PDPK1: variants seen among roughly 807,000 people sequenced by gnomAD.
The protein encoded by PDPK1 is 3-phosphoinositide-dependent protein kinase 1.
A neutral mutation model predicts 39.8 loss-of-function variants in PDPK1; 7 were observed. The ratio of observed to expected loss-of-function variants is 0.18; its 90% CI spans 0.10 to 0.33. The LOEUF (loss-of-function observed/expected upper bound fraction) is 0.33, where lower values mean the gene tolerates loss of function less well. Ranked by LOEUF, PDPK1 falls within the 10% of genes least tolerant of loss-of-function variation. PDPK1 has a pLI of 1.00. For missense variants in PDPK1, 182 were observed against 384.7 expected (o/e 0.47, Z 4.41); for synonymous variants, 118 against 159.1 (o/e 0.74, Z 1.95).
Position 2,601,044 on chromosome 16 carries a change from G to A in PDPK1, c.*3277G>A, listed in dbSNP as rs1300292420. On this transcript the variant is annotated 3_prime_UTR_variant, in exon 14 of 14. Coordinates refer to ENST00000342085, the MANE Select transcript of PDPK1 (RefSeq NM_002613.5). ...TTCCCTACTGTAAAATACTTAAGAC[G>A]GTTTCTGATTTTTCCACTATTTAAA... The A allele has an allele frequency of 1.3e-5, 3 of 232,124 alleles. No individual in the cohort carries two copies. The highest frequency in any genetic ancestry group is 2.5e-5 in the Non-Finnish European group (3 of 117,848). The allele number at this position is 232,124 out of a possible 1,614,324, so 14.4% of individuals were successfully genotyped here. A position where few individuals can be genotyped will look rare whatever the true frequency, so the allele number is the denominator to read the frequency against.
At chr16:2,551,672 T>G (rs552864581) in intron 1 of PDPK1, among the ~76,000 whole-genome samples, 12 of 137,846 alleles carry the variant, frequency 8.7e-5, no homozygotes, top group Admixed American at 2.8e-4. Flanking sequence ...TTTTTTTTTT[T>G]TTTTTTGTTT....
chr16:2,586,547 C>A, intron 10 of PDPK1, 129 bp from the exon 11 acceptor site: 1 of 725,062 alleles, frequency 1.4e-6, no homozygotes, highest in Non-Finnish European at 2.3e-6. Flanking sequence ...GGGCTGCCCA[C>A]CCTGTCGCCT....
intron 1 of PDPK1, among the ~76,000 whole-genome samples, chr16:2,545,336 C>CT (rs59225717): frequency 8.4e-4 from 122 of 146,078 alleles, no homozygotes; most frequent in Middle Eastern, 7.1e-3. Context: ...CTTTCTCTCT[C>CT]TTTTTTTTTT....
intron 11 of PDPK1, among the ~76,000 whole-genome samples, chr16:2,587,518 T>C (rs905290775): frequency 2.0e-5 from 3 of 151,674 alleles, no homozygotes; most frequent in African/African-American, 7.3e-5. Context: ...ATTTTGCATC[T>C]TTTTTTTTGA....
rs750340247 is a variant in PDPK1, at chr16:2,586,765, C to G, written c.1215C>G (p.Pro405=). ...HSLSASDTGL[P]QRSGSNIEQY... is the part of the protein sequence containing the mutation. Reference sequence around the variant, plus strand: ...TGTCAGCCTCCGACACGGGCCTGCCCCAGAGGTCAGGCAGCAACATAGAGC... The same window carrying G: ...TGTCAGCCTCCGACACGGGCCTGCCGCAGAGGTCAGGCAGCAACATAGAGC... Residue 405 remains proline (P), a synonymous_variant, in exon 11 of 14, where the codon CCC becomes CCG. Transcript: ENST00000342085. The G allele has an allele frequency of 4.3e-6, 7 of 1,614,120 alleles. No homozygotes were observed. Among genetic ancestry groups the G allele is most frequent in the Non-Finnish European group, 5.9e-6 (7 of 1,180,050 alleles).
At chr16:2,589,654 C>CTG (rs1266151706) in intron 11 of PDPK1, among the ~76,000 whole-genome samples, 1 of 150,816 alleles carries the variant, frequency 6.6e-6, no homozygotes, top group Non-Finnish European at 1.5e-5. Context: ...TTGCCACTGC[C>CTG]CCCCAGCCTG....
Position 2,597,517 on chromosome 16 carries a change from C to T in PDPK1, c.1555-134C>T. The T allele has an allele frequency of 8.0e-6, 6 of 750,800 alleles. No homozygotes were observed. The highest frequency in any genetic ancestry group is 3.9e-5 in the Admixed American group (2 of 51,474). 46.5% of individuals were successfully genotyped at this position (750,800 alleles called of 1,614,324 possible). ...GGTCATCAGCCTGTGTAGTTGCTTA[C>T]TGCTTGTGTGAATAACCGTCACACC... On this transcript the variant is annotated intron_variant, in intron 13 of 13. Coordinates refer to ENST00000342085, the MANE Select transcript of PDPK1 (RefSeq NM_002613.5). This position sits in a 1 kb window ranked among gnomAD's most constrained non-coding sequence, Gnocchi z 6.3.
At chr16:2,577,673 G>A (rs931487712) in intron 7 of PDPK1, among the ~76,000 whole-genome samples, 173 bp downstream of exon 7, 5 of 149,208 alleles carry the variant, frequency 3.4e-5, no homozygotes, top group African/African-American at 1.3e-4. Flanking sequence ...TTAGTGTTGT[G>A]TTCTAAGCTT....
rs1306508797 is a variant in PDPK1 at position 2,559,469 on chromosome 16, C to A, written c.285+1506C>A. 2.0e-5 allele frequency among the ~76,000 whole-genome samples: 3 copies of A among 150,290 alleles called. No individual in the cohort carries two copies. The South Asian group carries it at 6.2e-4, about 31-fold the overall frequency. Reference sequence around the variant, plus strand: ...TCGAGTGATTCTCTCCTCAGCCTTGCAAAGTGTTGGGATTACAGGCGTGAG... The same window carrying A: ...TCGAGTGATTCTCTCCTCAGCCTTGAAAAGTGTTGGGATTACAGGCGTGAG... On this transcript the variant is annotated intron_variant, in intron 2 of 13. Coordinates refer to ENST00000342085, the MANE Select transcript of PDPK1 (RefSeq NM_002613.5).
rs1788850973 is a variant in PDPK1, at chr16:2,597,827, C to T, written c.*60C>T. The T allele has an allele frequency of 5.8e-6, 7 of 1,205,512 alleles. No individual in the cohort carries two copies. Among genetic ancestry groups the T allele is most frequent in the South Asian group, 2.5e-5 (2 of 80,430 alleles). 74.7% of individuals were successfully genotyped at this position (1,205,512 alleles called of 1,614,324 possible). Reference sequence around the variant, plus strand: ...GACACCTGCCCCAGCGCGGCTTGGCCGCCATCCGGGACGCTTCCAGACCAC... The same window carrying T: ...GACACCTGCCCCAGCGCGGCTTGGCTGCCATCCGGGACGCTTCCAGACCAC... On this transcript the variant is annotated 3_prime_UTR_variant, in exon 14 of 14. Coordinates refer to ENST00000342085, the MANE Select transcript of PDPK1 (RefSeq NM_002613.5). This position sits in a 1 kb window ranked among gnomAD's most constrained non-coding sequence, Gnocchi z 6.3.
intron 1 of PDPK1, among the ~76,000 whole-genome samples, chr16:2,546,244 C>T (rs750168485): frequency 2.7e-5 from 4 of 148,842 alleles, no homozygotes; most frequent in Non-Finnish European, 5.9e-5. Context: ...CCACTGCGCC[C>T]GGCTAATTTT....
intron 11 of PDPK1, among the ~76,000 whole-genome samples, chr16:2,591,001 C>T (rs560336979): frequency 2.7e-5 from 4 of 147,994 alleles, no homozygotes; most frequent in South Asian, 4.3e-4. Flanking sequence ...CTCATTCTGT[C>T]GCCCAGGCTG....
At chr16:2,539,014 G>A (rs2066192354) in intron 1 of PDPK1, 1 of 222,230 alleles carries the variant, frequency 4.5e-6, no homozygotes, top group Non-Finnish European at 9.2e-6. Flanking sequence ...GATTTAAAAG[G>A]CAAATATTTT....
At chr16:2,587,734 T>C (rs924502279) in intron 11 of PDPK1, among the ~76,000 whole-genome samples, 5 of 152,202 alleles carry the variant, frequency 3.3e-5, no homozygotes, top group African/African-American at 1.2e-4. Flanking sequence ...GGTGCCTCTT[T>C]TTAACATGGA....
chr16:2,595,890 G>T, intron 12 of PDPK1, 40 bp downstream of exon 12: 1 of 1,516,136 alleles, frequency 6.6e-7, no homozygotes, highest in South Asian at 1.1e-5. Context: ...ACGGACACCT[G>T]CATCTTCCCC....
Position 2,573,803 on chromosome 16 carries a change from T to A in PDPK1, c.710-3622T>A, listed in dbSNP as rs1422068588. On this transcript the variant is annotated intron_variant, in intron 6 of 13. Transcript: ENST00000342085. ...TTTTCCTTTTTCTGTTTTTATTTTTTTTTTTTTTGAGACGGAATTTCGCTC... is the reference window on the plus strand; with the variant it reads ...TTTTCCTTTTTCTGTTTTTATTTTTATTTTTTTTGAGACGGAATTTCGCTC... Among the ~76,000 whole-genome samples the A allele has an allele frequency of 1.7e-4, 21 of 122,148 alleles. 1 individual carries two copies. The highest frequency in any genetic ancestry group is 1.1e-3 in the East Asian group (5 of 4,492). The allele number at this position is 122,148 out of a possible 152,430, so 80.1% of individuals were successfully genotyped here.
chr16:2,577,417 C>T lies in PDPK1; in HGVS notation c.710-8C>T, dbSNP rs1295457121. The T allele has an allele frequency of 2.5e-6, 3 of 1,205,786 alleles. No individual in the cohort carries two copies. Among genetic ancestry groups the T allele is most frequent in the Middle Eastern group, 3.8e-4 (2 of 5,270 alleles). 74.7% of individuals were successfully genotyped at this position (1,205,786 alleles called of 1,614,324 possible). Reference sequence around the variant, plus strand: ...GAGTCCGAGTGTGACCTTCTCTCTCCTCTGCAGCCAGGGCCAACTCATTCG... The same window carrying T: ...GAGTCCGAGTGTGACCTTCTCTCTCTTCTGCAGCCAGGGCCAACTCATTCG... On this transcript the variant is annotated splice_polypyrimidine_tract_variant and splice_region_variant and intron_variant, in intron 6 of 13. Coordinates refer to ENST00000342085, the MANE Select transcript of PDPK1 (RefSeq NM_002613.5).
chr16:2,594,867 A>G (rs2067067910), intron 11 of PDPK1, among the ~76,000 whole-genome samples: 1 of 152,250 alleles, frequency 6.6e-6, no homozygotes, highest in South Asian at 2.1e-4. Context: ...CACGCCTATA[A>G]TCCCAGCACT....
chr16:2,589,615 G>A (rs1366371946), intron 11 of PDPK1, among the ~76,000 whole-genome samples: 1 of 151,430 alleles, frequency 6.6e-6, no homozygotes, highest in Non-Finnish European at 1.5e-5. Context: ...CCTGAGCCTT[G>A]GAAGTTGAAG....
Sources: allele counts gnomAD v4.1 joint callset (sites outside exome capture counted in the v4.1 genomes callset), GRCh38; gene constraint gnomAD v4.1.1; non-coding constraint Gnocchi (gnomAD v3.1); transcripts MANE v1.5; gene names NCBI Gene and HGNC (gene_info 2026-07-23, HGNC 2026-07-21).